The following MOB4 variants were observed in gnomAD, a reference collection of about 807,000 sequenced individuals.
The protein encoded by MOB4 is MOB family member 4, phocein, also known as MOB-like protein phocein.
MOB4 carries 4 observed loss-of-function variants against 32.2 expected under a neutral mutation model. That is an observed-to-expected ratio of 0.12 (90% CI 0.06 to 0.28). MOB4 has a LOEUF of 0.28. Among genes scored for constraint, MOB4 ranks in the 10% least tolerant of loss-of-function variants. The pLI is 1.00. For synonymous variants in MOB4, 88 were observed against 88.1 expected (o/e 1.00, Z 0.01); for missense variants, 158 against 271.2 (o/e 0.58, Z 2.93).
intron 2 of MOB4, chr2:197,533,763 C>T: frequency 2.2e-6 from 1 of 458,942 alleles, no homozygotes; most frequent in Non-Finnish European, 4.1e-6. Flanking sequence ...GATCCCTTTC[C>T]CTGTCATCAT....
At chr2:197,549,529 T>TA (rs1244092181) in intron 6 of MOB4, among the ~76,000 whole-genome samples, 1 of 152,132 alleles carries the variant, frequency 6.6e-6, no homozygotes, top group Non-Finnish European at 1.5e-5. Flanking sequence ...ATTTCAATTT[T>TA]AAAAAAACAA....
chr2:197,535,884 CTCT>C (rs1196600069), intron 3 of MOB4, among the ~76,000 whole-genome samples: 1 of 150,724 alleles, frequency 6.6e-6, no homozygotes, highest in Non-Finnish European at 1.5e-5. Flanking sequence ...CTCTGCACCT[CTCT>C]TCTTTTCTTT....
At chr2:197,538,679 T>C (rs1314221681) in intron 3 of MOB4, among the ~76,000 whole-genome samples, 3 of 152,112 alleles carry the variant, frequency 2.0e-5, no homozygotes, top group Admixed American at 6.6e-5. Flanking sequence ...AAGTTGTGAG[T>C]TTTGCATTAT....
chr2:197,520,628 C>A (rs1216303838), intron 1 of MOB4, among the ~76,000 whole-genome samples: 6 of 152,138 alleles, frequency 3.9e-5, no homozygotes. Flanking sequence ...AGGCATTGTG[C>A]TACCCACTGA....
chr2:197,532,278 A>G (rs2086719142), intron 2 of MOB4, among the ~76,000 whole-genome samples: 1 of 152,210 alleles, frequency 6.6e-6, no homozygotes. Flanking sequence ...GGTATCAATA[A>G]AAGGATTCTA....
In MOB4 at chr2:197,520,367, C is replaced by T. The variant is rs561574781; in HGVS notation, c.61-3257C>T. On this transcript the variant is annotated intron_variant, in intron 1 of 7. Transcript: ENST00000323303. The stretch of plus-strand genomic sequence containing the variant: ...TGTTAGCCAGGATGGTCTCGATCTG[C>T]TGACCTCATGATCCGCCTGCCTCGG... 5.1e-4 allele frequency among the ~76,000 whole-genome samples: 77 copies of T among 152,112 alleles called. 2 individuals are homozygous for T. In the South Asian group the frequency reaches 8.3e-3, roughly 16 times the overall value.
rs1014342544 is a variant in MOB4, at chr2:197,551,963, T to C, written c.*1317T>C. On this transcript the variant is annotated 3_prime_UTR_variant, in exon 8 of 8. Transcript: ENST00000323303. ...TATTTAAATCCAACTTTTGAACAGA[T>C]TTAACAAACATGAGGAACTTTTTTA... 6.6e-6 allele frequency: 1 copy of C among 152,082 alleles called. No individual in the cohort carries two copies. Among genetic ancestry groups the C allele is most frequent in the Admixed American group, 6.6e-5 (1 of 15,216 alleles). The allele number at this position is 152,082 out of a possible 1,614,324, so 9.4% of individuals were successfully genotyped here. A position where few individuals can be genotyped will look rare whatever the true frequency, so the allele number is the denominator to read the frequency against.
rs138597930 is a variant in MOB4, at chr2:197,534,920, C to T, written c.124-610C>T. Among the ~76,000 whole-genome samples, 344 of 152,252 alleles carry T rather than the reference C, an allele frequency of 2.3e-3. 4 individuals are homozygous for T. The highest frequency in any genetic ancestry group is 7.9e-3 in the African/African-American group (327 of 41,534). On this transcript the variant is annotated intron_variant, in intron 2 of 7. Transcript: ENST00000323303. The stretch of plus-strand genomic sequence containing the variant: ...CATCTTCAGTCTCTTCTGCCTTCCT[C>T]TCTGCCCTCAAGCCCTACACCAGTA...
intron 5 of MOB4, among the ~76,000 whole-genome samples, chr2:197,543,157 A>G (rs958417746): frequency 3.3e-5 from 5 of 152,004 alleles, no homozygotes; most frequent in Non-Finnish European, 7.4e-5. Context: ...GCTGAGTGTG[A>G]TGGGTGTGCA....
intron 5 of MOB4, among the ~76,000 whole-genome samples, chr2:197,541,747 G>A (rs913832195): frequency 8.6e-5 from 13 of 151,956 alleles, no homozygotes; most frequent in East Asian, 5.8e-4. Context: ...GTGAAACCCC[G>A]TCTCTATTAA....
chr2:197,515,762 A>AAC, upstream of MOB4: 1 of 397,314 alleles, frequency 2.5e-6, no homozygotes, highest in Non-Finnish European at 4.5e-6. Flanking sequence ...ACCAACGTGC[A>AAC]ACGCAGCCGT....
chr2:197,550,441 T>C, intron 7 of MOB4, 55 bp downstream of exon 7: 3 of 1,589,808 alleles, frequency 1.9e-6, no homozygotes, highest in Non-Finnish European at 2.6e-6. Context: ...AACAGTAATA[T>C]ATATTGATGT....
intron 5 of MOB4, 97 bp downstream of exon 5, chr2:197,540,534 G>C (rs1326319774): frequency 8.6e-7 from 1 of 1,168,256 alleles, no homozygotes; most frequent in Non-Finnish European, 1.1e-6. Context: ...TTAGTTCACT[G>C]TTCATTTTGC....
At chr2:197,542,989 C>A (rs1269674895) in intron 5 of MOB4, among the ~76,000 whole-genome samples, 3 of 149,706 alleles carry the variant, frequency 2.0e-5, no homozygotes, top group African/African-American at 4.8e-5. Flanking sequence ...TTGAAATATG[C>A]TGTAAACACA....
Position 197,528,980 on chromosome 2 carries a change from T to TG in MOB4, c.123+5294_123+5295insG, listed in dbSNP as rs543819622. Among the ~76,000 whole-genome samples, 436 of 151,332 alleles carry TG rather than the reference T, an allele frequency of 2.9e-3. 2 individuals carry two copies. Among genetic ancestry groups the TG allele is most frequent in the South Asian group, 0.013 (60 of 4,772 alleles). On this transcript the variant is annotated intron_variant, in intron 2 of 7. Coordinates refer to ENST00000323303, the MANE Select transcript of MOB4 (RefSeq NM_015387.5). ...TCCTTTAGTAATTTTTTTTTTTTTTTAGACAGAGTCTCGCTCTGTCACTCA... is the reference window on the plus strand; with the variant it reads ...TCCTTTAGTAATTTTTTTTTTTTTTTGAGACAGAGTCTCGCTCTGTCACTCA...
intron 3 of MOB4, among the ~76,000 whole-genome samples, chr2:197,537,527 A>G (rs1436671455): frequency 6.6e-6 from 1 of 152,216 alleles, no homozygotes; most frequent in Non-Finnish European, 1.5e-5. Context: ...TTCTTTAGAA[A>G]TGGCTAAGAC....
intron 6 of MOB4, among the ~76,000 whole-genome samples, chr2:197,549,875 A>AC (rs1429222832): frequency 3.3e-5 from 5 of 151,422 alleles, no homozygotes; most frequent in African/African-American, 1.2e-4. Context: ...AAAAAAAAAA[A>AC]AAAAGAAAAG....
chr2:197,520,057 G>T (rs1183473636), intron 1 of MOB4, among the ~76,000 whole-genome samples: 3 of 152,082 alleles, frequency 2.0e-5, no homozygotes, highest in Non-Finnish European at 4.4e-5. Context: ...TGTCCAAACG[G>T]GGACATTGCT....
chr2:197,523,483 A>G (rs2086557662), intron 1 of MOB4, 141 bp from the exon 2 acceptor site: 4 of 831,082 alleles, frequency 4.8e-6, no homozygotes, highest in Middle Eastern at 2.3e-4. Flanking sequence ...GTTGAATAAA[A>G]TTTATTTCCT....
Sources: gnomAD v4.1 joint callset for allele counts (sites outside exome capture counted in the v4.1 genomes callset) on GRCh38, gnomAD v4.1.1 for gene constraint, MANE v1.5 for transcripts, NCBI Gene and HGNC (gene_info 2026-07-23, HGNC 2026-07-21) for gene names.